The following UBE2E2 variants were observed in gnomAD, a reference collection of about 807,000 sequenced individuals.
UBE2E2 encodes ubiquitin conjugating enzyme E2 E2, also known as ubiquitin-conjugating enzyme E2 E2.
In UBE2E2, 6 loss-of-function variants were observed where a neutral mutation model predicts 24.7. The ratio of observed to expected loss-of-function variants is 0.24; its 90% confidence interval spans 0.13 to 0.48. UBE2E2 has a LOEUF of 0.48. Ranked by LOEUF, UBE2E2 falls within the 20% of genes least tolerant of loss-of-function variation. The pLI is 0.99. For missense variants in UBE2E2, 169 were observed against 245.0 expected, an observed-to-expected ratio of 0.69 and a Z score of 2.07; for synonymous variants, 104 against 83.6, an observed-to-expected ratio of 1.24 and a Z score of -1.33.
chr3:23,243,100 AAAGAAAAG>A (rs973176505), intron 3 of UBE2E2, among the ~76,000 whole-genome samples: 1 of 151,708 alleles, frequency 6.6e-6, no homozygotes, highest in Admixed American at 6.6e-5. Flanking sequence ...AAAAAAAAGA[AAAGAAAAG>A]AAAAGAAAAT....
chr3:23,346,933 T>C (rs9859515), intron 3 of UBE2E2, among the ~76,000 whole-genome samples: 54,222 of 152,144 alleles, frequency 0.36, 10,906 homozygotes, highest in Admixed American at 0.53. Context: ...TATGAAAGAT[T>C]TATAATCAGA....
intron 3 of UBE2E2, among the ~76,000 whole-genome samples, chr3:23,293,073 C>CA (rs927916543): frequency 1.3e-5 from 2 of 152,046 alleles, no homozygotes; most frequent in Admixed American, 6.5e-5. Flanking sequence ...AACTCCGTCT[C>CA]AAAAAAATCA....
intron 3 of UBE2E2, among the ~76,000 whole-genome samples, chr3:23,299,642 T>G (rs1470508264): frequency 6.6e-6 from 1 of 152,260 alleles, no homozygotes; most frequent in Non-Finnish European, 1.5e-5. Context: ...CACTGTGGTC[T>G]GAGAGGCAGT....
intron 3 of UBE2E2, among the ~76,000 whole-genome samples, chr3:23,300,380 G>C (rs1699038485): frequency 6.6e-6 from 1 of 152,154 alleles, no homozygotes. Context: ...TCCTAGCCTT[G>C]ATGGTCTTTA....
intron 3 of UBE2E2, among the ~76,000 whole-genome samples, chr3:23,247,585 C>T (rs1302637794): frequency 6.6e-6 from 1 of 152,156 alleles, no homozygotes; most frequent in African/African-American, 2.4e-5. Flanking sequence ...AACTCTCAAC[C>T]TCAGGTGATC....
At chr3:23,205,500 AG>A (rs960583428) in intron 1 of UBE2E2, among the ~76,000 whole-genome samples, 15 of 152,196 alleles carry the variant, frequency 9.9e-5, no homozygotes, top group Non-Finnish European at 1.5e-4. Context: ...GTTGCACCTG[AG>A]TGGTACAATA....
chr3:23,547,727 T>TA (rs1380602641), intron 5 of UBE2E2, among the ~76,000 whole-genome samples: 2 of 152,224 alleles, frequency 1.3e-5, no homozygotes, highest in Non-Finnish European at 2.9e-5. Flanking sequence ...TCAAAGCTGA[T>TA]ACTTCTCTTC....
At chr3:23,308,841 G>A (rs952543853) in intron 3 of UBE2E2, among the ~76,000 whole-genome samples, 11 of 152,252 alleles carry the variant, frequency 7.2e-5, no homozygotes, top group Admixed American at 2.6e-4. Context: ...CCTCAAAACC[G>A]GGTAAGCTGA....
intron 4 of UBE2E2, among the ~76,000 whole-genome samples, chr3:23,510,505 G>T (rs898958092): frequency 4.6e-5 from 7 of 152,106 alleles, no homozygotes; most frequent in African/African-American, 1.7e-4. Context: ...TACTTGGAAG[G>T]CTGAGACATG....
intron 5 of UBE2E2, among the ~76,000 whole-genome samples, chr3:23,588,184 T>C (rs2125523274): frequency 6.6e-6 from 1 of 152,288 alleles, no homozygotes; most frequent in East Asian, 1.9e-4. Flanking sequence ...ACTATTTTTT[T>C]CCTACCAAAC....
At chr3:23,217,125 T>C (rs1415965990) in intron 2 of UBE2E2, 137 bp from the exon 3 acceptor site, 6 of 814,248 alleles carry the variant, frequency 7.4e-6, no homozygotes, top group Non-Finnish European at 1.1e-5. Context: ...GTTTGTTGGA[T>C]GTGATTCTTT....
intron 3 of UBE2E2, among the ~76,000 whole-genome samples, chr3:23,357,633 C>G (rs1695995425): frequency 6.6e-6 from 1 of 151,948 alleles, no homozygotes; most frequent in South Asian, 2.1e-4. Context: ...TATGGGAGCT[C>G]CATATCAGCA....
intron 5 of UBE2E2, among the ~76,000 whole-genome samples, chr3:23,581,842 T>G (rs1322444088): frequency 6.6e-6 from 1 of 152,224 alleles, no homozygotes; most frequent in African/African-American, 2.4e-5. Context: ...TTCAGCAGTC[T>G]GCCTGTCTTT....
chr3:23,208,374 A>G (rs1696210641), intron 1 of UBE2E2, among the ~76,000 whole-genome samples: 1 of 152,200 alleles, frequency 6.6e-6, no homozygotes, highest in African/African-American at 2.4e-5. Context: ...ACAGTACATT[A>G]TGTGAATATA....
chr3:23,336,716 A>AG (rs1045739969), intron 3 of UBE2E2, among the ~76,000 whole-genome samples: 1 of 152,238 alleles, frequency 6.6e-6, no homozygotes, highest in Admixed American at 6.5e-5. Context: ...TGAACTTTTG[A>AG]GAAAAAAATA....
intron 3 of UBE2E2, among the ~76,000 whole-genome samples, chr3:23,446,720 T>TTTTTTTTTTTTTA (rs1553612084): frequency 6.9e-6 from 1 of 145,258 alleles, no homozygotes. Context: ...TTTTTTTTTT[T>TTTTTTTTTTTTTA]ATCCGTAGGG....
At chr3:23,436,949 G>A (rs1698198596) in intron 3 of UBE2E2, among the ~76,000 whole-genome samples, 2 of 152,174 alleles carry the variant, frequency 1.3e-5, no homozygotes, top group South Asian at 4.1e-4. Flanking sequence ...AATAATAGCT[G>A]GTTTCTGCCA....
At chr3:23,436,237 T>C (rs1189330847) in intron 3 of UBE2E2, among the ~76,000 whole-genome samples, 2 of 152,124 alleles carry the variant, frequency 1.3e-5, no homozygotes. Flanking sequence ...CACATGATAT[T>C]GAACCTTAAT....
At chr3:23,579,444 G>T (rs111643332) in intron 5 of UBE2E2, among the ~76,000 whole-genome samples, 6,089 of 148,766 alleles carry the variant, frequency 0.041, 424 homozygotes, top group African/African-American at 0.14. Flanking sequence ...TAATCCCAGT[G>T]CTTTGGGAGG....
Sources: gnomAD v4.1 joint callset for allele counts (sites outside exome capture counted in the v4.1 genomes callset) on GRCh38, gnomAD v4.1.1 for gene constraint, MANE v1.5 for transcripts, NCBI Gene and HGNC (gene_info 2026-07-23, HGNC 2026-07-21) for gene names.